Variants in ADAMTS12 observed in about 807,000 individuals in gnomAD.
ADAMTS12 encodes the protein ADAM metallopeptidase with thrombospondin type 1 motif 12.
Under a neutral mutation model 167.8 loss-of-function variants are expected in ADAMTS12, and 118 were observed. The observed-to-expected ratio is 0.70, with a 90% CI of 0.61 to 0.82. The LOEUF (loss-of-function observed/expected upper bound fraction) is 0.82, where lower values mean the gene tolerates loss of function less well. Ranked by LOEUF, ADAMTS12 falls within the 40% of genes least tolerant of loss-of-function variation. The pLI is 0.00. For synonymous variants in ADAMTS12, 704 were observed against 716.9 expected (o/e 0.98, Z 0.29); for missense variants, 1,916 against 1,998.8 (o/e 0.96, Z 0.79).
chr5:33,535,378 C>T (rs1385497626), intron 22 of ADAMTS12, among the ~76,000 whole-genome samples: 1 of 152,152 alleles, frequency 6.6e-6, no homozygotes, highest in Admixed American at 6.5e-5. Context: ...CTGCATCAAG[C>T]TGGGCCAATC....
chr5:33,690,843 C>T (rs1427073907), intron 3 of ADAMTS12, among the ~76,000 whole-genome samples: 1 of 152,116 alleles, frequency 6.6e-6, no homozygotes, highest in African/African-American at 2.4e-5. Context: ...CACTTTTTTC[C>T]GTTCCGCACT....
intron 3 of ADAMTS12, among the ~76,000 whole-genome samples, chr5:33,708,446 G>A (rs1743274952): frequency 6.6e-6 from 1 of 152,174 alleles, no homozygotes; most frequent in African/African-American, 2.4e-5. Context: ...CCATTACTGG[G>A]TATATACCCA....
chr5:33,639,634 C>G (rs192068917), intron 11 of ADAMTS12, among the ~76,000 whole-genome samples: 5 of 152,302 alleles, frequency 3.3e-5, no homozygotes, highest in Admixed American at 2.6e-4. Flanking sequence ...GTGGTAGTGG[C>G]AAAGCCAAGA....
intron 16 of ADAMTS12, among the ~76,000 whole-genome samples, chr5:33,598,051 C>T (rs185079405): frequency 3.4e-4 from 52 of 152,308 alleles, no homozygotes; most frequent in African/African-American, 1.2e-3. Context: ...AAGTTAATAA[C>T]ATGGCATGGG....
At chr5:33,758,640 A>C (rs1745247279) in intron 2 of ADAMTS12, among the ~76,000 whole-genome samples, 1 of 152,168 alleles carries the variant, frequency 6.6e-6, no homozygotes, top group African/African-American at 2.4e-5. Flanking sequence ...GAAGGTGTGA[A>C]CCAATGGACG....
chr5:33,713,840 G>C (rs1743497145), intron 3 of ADAMTS12, among the ~76,000 whole-genome samples: 3 of 152,090 alleles, frequency 2.0e-5, no homozygotes, highest in Admixed American at 1.3e-4. Flanking sequence ...ACTGTCAATA[G>C]AAATAAATCT....
intron 2 of ADAMTS12, among the ~76,000 whole-genome samples, chr5:33,775,867 G>A (rs928763413): frequency 2.6e-5 from 4 of 152,160 alleles, no homozygotes; most frequent in Admixed American, 2.0e-4. Context: ...GAGGTGATTC[G>A]GTAATGAGGA....
intron 19 of ADAMTS12, among the ~76,000 whole-genome samples, chr5:33,570,566 A>G (rs1224317961): frequency 1.3e-5 from 2 of 152,234 alleles, no homozygotes; most frequent in Non-Finnish European, 2.9e-5. Flanking sequence ...TGTCACCACC[A>G]GGCCTGCCCT....
intron 2 of ADAMTS12, among the ~76,000 whole-genome samples, chr5:33,813,073 G>GA (rs1381980241): frequency 2.6e-5 from 4 of 152,132 alleles, no homozygotes; most frequent in African/African-American, 9.7e-5. Context: ...AATTCATATT[G>GA]AATTCCTAAG....
At chr5:33,682,379 A>C (rs1045978927) in intron 5 of ADAMTS12, among the ~76,000 whole-genome samples, 2 of 152,192 alleles carry the variant, frequency 1.3e-5, no homozygotes, top group Non-Finnish European at 2.9e-5. Flanking sequence ...CTCCAGGTGG[A>C]GATTTCAAGT....
chr5:33,759,995 T>C (rs965237067), intron 2 of ADAMTS12, among the ~76,000 whole-genome samples: 1 of 152,108 alleles, frequency 6.6e-6, no homozygotes, highest in Non-Finnish European at 1.5e-5. Flanking sequence ...ATGGAGAGCT[T>C]GTTAAAAATG....
At chr5:33,827,710 AAT>A (rs1748135242) in intron 2 of ADAMTS12, among the ~76,000 whole-genome samples, 1 of 99,004 alleles carries the variant, frequency 1.0e-5, no homozygotes. Flanking sequence ...GAGAAAACAA[AAT>A]AGATAGATAG....
intron 18 of ADAMTS12, among the ~76,000 whole-genome samples, chr5:33,577,867 A>G (rs150162797): frequency 1.3e-4 from 20 of 152,154 alleles, no homozygotes; most frequent in African/African-American, 4.3e-4. Context: ...CCCCTCCCCA[A>G]TGTTCCCTCC....
At chr5:33,606,644 AATCT>A (rs1738452281) in intron 16 of ADAMTS12, among the ~76,000 whole-genome samples, 1 of 152,204 alleles carries the variant, frequency 6.6e-6, no homozygotes, top group South Asian at 2.1e-4. Flanking sequence ...GACTGACTAG[AATCT>A]GTGGAGAAAT....
At chr5:33,881,576 T>C (rs1006773823) in intron 1 of ADAMTS12, 96 bp from the exon 2 acceptor site, 130 of 1,472,416 alleles carry the variant, frequency 8.8e-5, no homozygotes, top group Middle Eastern at 5.5e-4. Context: ...TTTTTTTTTT[T>C]TGGAAATGGA....
At chr5:33,848,922 C>T (rs1749055331) in intron 2 of ADAMTS12, among the ~76,000 whole-genome samples, 2 of 150,916 alleles carry the variant, frequency 1.3e-5, no homozygotes, top group South Asian at 2.1e-4. Context: ...ATATATATAT[C>T]GTGGTGTTTT....
rs189411698 is a variant in ADAMTS12, at chr5:33,805,606, G to A, written c.490-54058C>T. Among the ~76,000 whole-genome samples, 426 of 152,304 alleles carry A rather than the reference G, an allele frequency of 2.8e-3. 3 individuals are homozygous for A. The highest frequency in any genetic ancestry group is 8.6e-3 in the African/African-American group (357 of 41,560). The stretch of plus-strand genomic sequence containing the variant: ...GAGTGAGGTCTCCTAAGGGGAGCGC[G>A]TGGAGGCTTTCATCAAGCTCACAGA... On this transcript the variant is annotated intron_variant, in intron 2 of 23. Coordinates refer to ENST00000504830, the MANE Select transcript of ADAMTS12 (RefSeq NM_030955.4).
At chr5:33,762,436 A>T (rs926212757) in intron 2 of ADAMTS12, among the ~76,000 whole-genome samples, 14 of 152,000 alleles carry the variant, frequency 9.2e-5, no homozygotes, top group Admixed American at 4.6e-4. Flanking sequence ...TGAACCCGGG[A>T]GGCGGGGGTT....
chr5:33,588,695 G>A lies in ADAMTS12; in HGVS notation c.2769C>T (p.Pro923=). The change falls in exon 18 of 24, where the codon CCC becomes CCT. Residue 923 remains proline (P), a synonymous_variant. Transcript: ENST00000504830. ...GCTTCAGCAGGTGCTGGCAGTCTGT[G>A]GGCGGGAGAGCCTGCTCGTCAGAGA... is the stretch of plus-strand genomic sequence containing the variant. The part of the protein sequence containing the change: ...TMVSDEQALP[P]TDCQHLLKPK... 2.5e-6 allele frequency: 4 copies of A among 1,614,140 alleles called. No homozygotes were observed. The highest frequency in any genetic ancestry group is 3.4e-6 in the Non-Finnish European group (4 of 1,180,032).
Sources: gnomAD v4.1 joint callset for allele counts (sites outside exome capture counted in the v4.1 genomes callset) on GRCh38, gnomAD v4.1.1 for gene constraint, MANE v1.5 for transcripts, NCBI Gene and HGNC (gene_info 2026-07-23, HGNC 2026-07-21) for gene names.